MAGI2: variants seen among roughly 807,000 people sequenced by gnomAD.
The protein encoded by MAGI2 is membrane-associated guanylate kinase, WW and PDZ domain-containing protein 2.
MAGI2 carries 35 observed loss-of-function variants against 133.3 expected under a neutral mutation model. The ratio of observed to expected loss-of-function variants is 0.26; its 90% CI spans 0.20 to 0.35. The LOEUF (loss-of-function observed/expected upper bound fraction) is 0.35, where lower values mean the gene tolerates loss of function less well. MAGI2 is among the 10% of genes least tolerant of loss of function. MAGI2 has a pLI of 1.00. For missense variants in MAGI2, 1,636 were observed against 1,863.4 expected (o/e 0.88, Z 2.25); for synonymous variants, 729 against 710.6 (o/e 1.03, Z -0.41).
chr7:78,233,161 G>C (rs571028925), intron 10 of MAGI2, among the ~76,000 whole-genome samples: 1 of 152,268 alleles, frequency 6.6e-6, no homozygotes, highest in Admixed American at 6.5e-5. Context: ...AATTGTAAAA[G>C]TAGATACAAT....
At chr7:79,270,557 G>T (rs923793790) in intron 1 of MAGI2, among the ~76,000 whole-genome samples, 1 of 152,078 alleles carries the variant, frequency 6.6e-6, no homozygotes, top group Admixed American at 6.6e-5. Flanking sequence ...CAAGATAGGG[G>T]ATACAAAGAA....
At chr7:79,016,182 GC>G (rs1460002721) in intron 1 of MAGI2, among the ~76,000 whole-genome samples, 1 of 152,050 alleles carries the variant, frequency 6.6e-6, no homozygotes, top group Non-Finnish European at 1.5e-5. Context: ...TGGTGTGGGA[GC>G]ATCTGGAGTG....
chr7:78,273,425 C>A (rs995577816), intron 9 of MAGI2, among the ~76,000 whole-genome samples: 10 of 151,536 alleles, frequency 6.6e-5, no homozygotes, highest in Non-Finnish European at 1.5e-5. Context: ...TGGGGTTGCT[C>A]TTCTCGAGGA....
intron 20 of MAGI2, among the ~76,000 whole-genome samples, chr7:78,089,174 C>T (rs769970521): frequency 9.9e-5 from 15 of 152,204 alleles, no homozygotes; most frequent in African/African-American, 2.2e-4. Flanking sequence ...GTAAGACAAT[C>T]GATTAGTGTT....
rs542897647 is a variant in MAGI2 at position 78,150,402 on chromosome 7, A to G, written c.2845+9623T>C. Among the ~76,000 whole-genome samples, 5 of 152,356 alleles carry G rather than the reference A, an allele frequency of 3.3e-5. No homozygotes were observed. The South Asian group carries it at 1.0e-3, about 32-fold the overall frequency. ...TTGTTGGGAAGAAAGAGAAAAATAA[A>G]AAATCACAGAGAGCTTAATCCACCA... is the stretch of plus-strand genomic sequence containing the variant. On this transcript the variant is annotated intron_variant, in intron 16 of 21. Coordinates refer to ENST00000354212, the MANE Select transcript of MAGI2 (RefSeq NM_012301.4).
chr7:78,220,179 T>C (rs914836916), intron 10 of MAGI2, among the ~76,000 whole-genome samples: 11 of 152,226 alleles, frequency 7.2e-5, no homozygotes, highest in Non-Finnish European at 1.5e-4. Flanking sequence ...GTGACAACTC[T>C]ATCTTTGCCC....
chr7:78,998,236 T>C (rs1183534525), intron 2 of MAGI2, among the ~76,000 whole-genome samples: 2 of 152,202 alleles, frequency 1.3e-5, no homozygotes, highest in Non-Finnish European at 2.9e-5. Flanking sequence ...GTATTTGATA[T>C]ATCTTCAGTT....
chr7:78,145,332 C>CT (rs896253233), intron 16 of MAGI2, among the ~76,000 whole-genome samples: 223 of 151,410 alleles, frequency 1.5e-3, no homozygotes, highest in African/African-American at 5.0e-3. Context: ...TTTCCCTGTA[C>CT]TTTTTTTTTG....
chr7:78,963,617 G>T (rs922224266), intron 2 of MAGI2, among the ~76,000 whole-genome samples: 1 of 151,974 alleles, frequency 6.6e-6, no homozygotes, highest in African/African-American at 2.4e-5. Context: ...GCTGGCATGT[G>T]AAGTAACAAA....
chr7:79,408,964 A>T (rs975808257), intron 1 of MAGI2, among the ~76,000 whole-genome samples: 1 of 152,190 alleles, frequency 6.6e-6, no homozygotes, highest in African/African-American at 2.4e-5. Flanking sequence ...CATGCACAGA[A>T]ATTGTATATC....
intron 1 of MAGI2, among the ~76,000 whole-genome samples, chr7:79,241,504 T>G (rs1832411483): frequency 6.6e-6 from 1 of 152,168 alleles, no homozygotes; most frequent in African/African-American, 2.4e-5. Flanking sequence ...AATAGTCTCT[T>G]CCTCCCTTAT....
At chr7:78,715,847 A>ATTCTGTATTTTGTATTTTGT (rs59543870) in intron 2 of MAGI2, among the ~76,000 whole-genome samples, 1 of 151,296 alleles carries the variant, frequency 6.6e-6, no homozygotes, top group African/African-American at 2.4e-5. Context: ...ATAAATACAA[A>ATTCTGTATTTTGTATTTTGT]ATATAAGTCC....
At chr7:78,862,526 C>T (rs570170176) in intron 2 of MAGI2, among the ~76,000 whole-genome samples, 1 of 152,190 alleles carries the variant, frequency 6.6e-6, no homozygotes, top group South Asian at 2.1e-4. Context: ...CATTGGATGA[C>T]CAATATTTAT....
chr7:79,378,031 T>C (rs1342021747), intron 1 of MAGI2, among the ~76,000 whole-genome samples: 4 of 151,856 alleles, frequency 2.6e-5, no homozygotes, highest in African/African-American at 9.7e-5. Context: ...AATCTTGGGT[T>C]AAACAGATGG....
At chr7:78,527,022 A>AAAAAAAAAAAAAAAAAAAG (rs1797023799) in intron 3 of MAGI2, among the ~76,000 whole-genome samples, 1 of 148,370 alleles carries the variant, frequency 6.7e-6, no homozygotes, top group Non-Finnish European at 1.5e-5. Context: ...AAAAAAAAAA[A>AAAAAAAAAAAAAAAAAAAG]AAAAAAAAAA....
At chr7:78,304,739 G>A (rs897077379) in intron 9 of MAGI2, among the ~76,000 whole-genome samples, 6 of 152,154 alleles carry the variant, frequency 3.9e-5, no homozygotes, top group East Asian at 1.9e-4. Context: ...GGGATAAGAC[G>A]TATTGGGGGA....
chr7:78,163,558 T>C (rs1435480042), intron 15 of MAGI2, among the ~76,000 whole-genome samples: 3 of 152,140 alleles, frequency 2.0e-5, no homozygotes, highest in Non-Finnish European at 4.4e-5. Context: ...GCCTGCCAGG[T>C]AAGATGGTGT....
intron 1 of MAGI2, among the ~76,000 whole-genome samples, chr7:79,066,153 T>C (rs1415464883): frequency 6.6e-6 from 1 of 152,180 alleles, no homozygotes; most frequent in African/African-American, 2.4e-5. Context: ...GCCACAATGG[T>C]TGAACTAATT....
chr7:78,573,100 G>T (rs1584690907), intron 3 of MAGI2, among the ~76,000 whole-genome samples: 1 of 95,504 alleles, frequency 1.0e-5, no homozygotes, highest in Non-Finnish European at 2.1e-5. Context: ...CACACGGAGA[G>T]ATATACATAT....
Sources: allele counts gnomAD v4.1 joint callset (sites outside exome capture counted in the v4.1 genomes callset), GRCh38; gene constraint gnomAD v4.1.1; transcripts MANE v1.5; gene names NCBI Gene and HGNC (gene_info 2026-07-23, HGNC 2026-07-21).